Variants in NBPF8 observed in about 807,000 individuals in gnomAD.
NBPF8 encodes NBPF member 8.
Position 120,453,423 on chromosome 1 carries a change from T to C in NBPF8, n.2341T>C. On this transcript the variant is annotated non_coding_transcript_exon_variant, in exon 14 of 25. Transcript: ENST00000583271. ...GTTCAAGTTGAGGTGGCTGAGAAAGTGCAGAAATCGTCTGCCCCCAGGTAA... is the reference window on the plus strand; with the variant it reads ...GTTCAAGTTGAGGTGGCTGAGAAAGCGCAGAAATCGTCTGCCCCCAGGTAA... The C allele has an allele frequency of 4.8e-6, 4 of 828,456 alleles. No individual in the cohort carries two copies. The South Asian group carries it at 5.3e-5, about 11-fold the overall frequency. 51.3% of individuals were successfully genotyped at this position (828,456 alleles called of 1,614,324 possible). A position where few individuals can be genotyped will look rare whatever the true frequency, so the allele number is the denominator to read the frequency against.
upstream of NBPF8, chr1:120,432,325 C>G (rs1344097684): frequency 2.2e-5 from 2 of 90,254 alleles, no homozygotes; most frequent in Non-Finnish European, 4.3e-5. Flanking sequence ...AGGCAAAACT[C>G]TTGGTGGGCT....
At chr1:120,433,668 T>G (rs1252289423), upstream of NBPF8, 2 of 204,146 alleles carry the variant, frequency 9.8e-6, no homozygotes, top group Non-Finnish European at 2.2e-5. Context: ...CTGGGAACGC[T>G]GAAGGTGGGA....
At chr1:120,419,169 G>A (rs1432908695), upstream of NBPF8, among the ~76,000 whole-genome samples, 3 of 152,218 alleles carry the variant, frequency 2.0e-5, no homozygotes, top group African/African-American at 7.2e-5. Context: ...AAAATAGCTT[G>A]TATACAGCAG....
chr1:120,465,200 T>C, intron 23 of NBPF8, 63 bp from the exon 22 acceptor site: 1 of 358,806 alleles, frequency 2.8e-6, no homozygotes, highest in South Asian at 2.2e-5. Context: ...GATTAGACAG[T>C]GGATTGTTAT....
upstream of NBPF8, among the ~76,000 whole-genome samples, chr1:120,435,615 G>T (rs1472521508): frequency 6.7e-6 from 1 of 148,504 alleles, no homozygotes. Flanking sequence ...AGGCCGAGGC[G>T]GCAGATCACG....
chr1:120,469,000 G>GTGTA (rs1359194317), downstream of NBPF8, among the ~76,000 whole-genome samples: 1 of 152,040 alleles, frequency 6.6e-6, no homozygotes, highest in African/African-American at 2.4e-5. Flanking sequence ...CGGCTCTGAA[G>GTGTA]TGTATGTTGA....
chr1:120,454,005 C>G (rs1661361939), exon 15 of NBPF8: 8 of 1,612,198 alleles, frequency 5.0e-6, no homozygotes, highest in Admixed American at 3.3e-5. Flanking sequence ...ATGACTCCAA[C>G]CAGCCACATA....
At chr1:120,450,428 G>T (rs1392072779) in intron 11 of NBPF8, among the ~76,000 whole-genome samples, 3 of 151,870 alleles carry the variant, frequency 2.0e-5, no homozygotes, top group African/African-American at 7.3e-5. Flanking sequence ...CAAGTTGCTT[G>T]TCTTGTCTGT....
upstream of NBPF8, among the ~76,000 whole-genome samples, chr1:120,419,113 A>G (rs1275046562): frequency 8.1e-3 from 1,230 of 152,328 alleles, 12 homozygotes; most frequent in African/African-American, 0.027. Context: ...TACTAATACC[A>G]TATTCAACAA....
At chr1:120,418,845 G>A (rs1452437458), upstream of NBPF8, among the ~76,000 whole-genome samples, 4 of 151,082 alleles carry the variant, frequency 2.6e-5, 1 homozygote, top group Admixed American at 2.6e-4. Context: ...ATCACCGCTG[G>A]CCATTTTAGT....
chr1:120,415,224 C>T (rs1364823347), upstream of NBPF8, among the ~76,000 whole-genome samples: 3 of 152,190 alleles, frequency 2.0e-5, no homozygotes, highest in Admixed American at 6.5e-5. Context: ...GCACGGATGC[C>T]ATCTGGATGG....
upstream of NBPF8, chr1:120,432,902 T>G (rs2101584420): frequency 6.6e-6 from 1 of 151,648 alleles, no homozygotes; most frequent in South Asian, 2.1e-4. Flanking sequence ...AATTATGCCT[T>G]TATAAAGTTG....
upstream of NBPF8, among the ~76,000 whole-genome samples, chr1:120,435,452 G>GA (rs1209786886): frequency 8.4e-6 from 1 of 118,832 alleles, no homozygotes; most frequent in African/African-American, 3.8e-5. Context: ...CAAATTGTGT[G>GA]ATAATCATAC....
chr1:120,450,433 G>T (rs1178961550), intron 11 of NBPF8, among the ~76,000 whole-genome samples: 74 of 151,960 alleles, frequency 4.9e-4, no homozygotes, highest in African/African-American at 1.7e-3. Flanking sequence ...TGCTTGTCTT[G>T]TCTGTCCCTC....
At chr1:120,453,554 C>T in intron 14 of NBPF8, 110 bp downstream of exon 12, 1 of 977,826 alleles carries the variant, frequency 1.0e-6, no homozygotes, top group East Asian at 2.3e-5. Context: ...ATTTGCTTAG[C>T]CACAGTATGT....
rs1368802330 is a variant in NBPF8 at position 120,420,205 on chromosome 1, G to T, written n.269+87G>T. On this transcript the variant is annotated intron_variant and non_coding_transcript_variant, in intron 1 of 28. Coordinates refer to the NBPF8 transcript ENST00000652355. ...CAGATGTGAAGGGAAGATGCCAAGG[G>T]CCCTAAACATCGCAGGGCCTTGCCT... Among the ~76,000 whole-genome samples, 925 of 151,778 alleles carry T rather than the reference G, an allele frequency of 6.1e-3. 7 individuals carry two copies. The highest frequency in any genetic ancestry group is 0.021 in the African/African-American group (886 of 41,308).
intron 1 of NBPF8, among the ~76,000 whole-genome samples, chr1:120,423,378 C>A (rs1212055352): frequency 1.9e-5 from 2 of 107,896 alleles, no homozygotes; most frequent in East Asian, 3.9e-4. Flanking sequence ...GAAAGGCTAT[C>A]TTTGCTGCTT....
chr1:120,436,487 G>A (rs2101618800), exon 1 of NBPF8: 3 of 1,409,410 alleles, frequency 2.1e-6, no homozygotes, highest in African/African-American at 2.8e-5. Flanking sequence ...CTTCTCCCCA[G>A]TCCCTGACTC....
At chr1:120,433,042 C>T (rs1570932349), upstream of NBPF8, 1 of 152,054 alleles carries the variant, frequency 6.6e-6, no homozygotes, top group Non-Finnish European at 1.5e-5. Context: ...AGGTACAAGG[C>T]CCCTAAAAGC....
Sources: allele counts gnomAD v4.1 joint callset (sites outside exome capture counted in the v4.1 genomes callset), GRCh38; gene constraint gnomAD v4.1.1; transcripts MANE v1.5; gene names NCBI Gene and HGNC (gene_info 2026-07-23, HGNC 2026-07-21).